The following RFTN1 variants were observed in gnomAD, a reference collection of about 807,000 sequenced individuals.
RFTN1 encodes the protein raftlin, lipid raft linker 1.
A neutral mutation model predicts 46.5 loss-of-function variants in RFTN1; 26 were observed. The observed-to-expected ratio is 0.56, with a 90% CI of 0.41 to 0.78. RFTN1 has a LOEUF of 0.78. RFTN1 is among the 30% of genes least tolerant of loss of function. RFTN1 has a pLI of 0.00. For missense variants in RFTN1, 693 were observed against 718.7 expected, an observed-to-expected ratio of 0.96 and a Z score of 0.41; for synonymous variants, 261 against 284.2, an observed-to-expected ratio of 0.92 and a Z score of 0.82.
intron 4 of RFTN1, among the ~76,000 whole-genome samples, chr3:16,406,417 C>T (rs4685332): frequency 0.17 from 26,436 of 152,128 alleles, 2,752 homozygotes; most frequent in Admixed American, 0.25. Flanking sequence ...GCAACCTCAA[C>T]ACACCTGGCT....
chr3:16,410,067 A>G lies in RFTN1; in HGVS notation c.333-584T>C, dbSNP rs2125448811. Reference sequence around the variant, plus strand: ...AGATTCTTTCCCGAAAGTAACGTCAAAAAGGCACTGATGAAAAATGGTTTA... The same window carrying G: ...AGATTCTTTCCCGAAAGTAACGTCAGAAAGGCACTGATGAAAAATGGTTTA... On this transcript the variant is annotated intron_variant, in intron 3 of 9. Transcript: ENST00000334133. This position sits in a 1 kb window ranked among gnomAD's most constrained non-coding sequence, Gnocchi z 4.6. 6.6e-6 allele frequency among the ~76,000 whole-genome samples: 1 copy of G among 152,164 alleles called. No individual in the cohort carries two copies. Among genetic ancestry groups the G allele is most frequent in the Non-Finnish European group, 1.5e-5 (1 of 68,002 alleles).
chr3:16,412,328 C>G (rs1031734655), intron 3 of RFTN1, among the ~76,000 whole-genome samples: 1 of 152,200 alleles, frequency 6.6e-6, no homozygotes, highest in Non-Finnish European at 1.5e-5. Flanking sequence ...CCCTAAACCC[C>G]TTGAGGACAG....
rs2075775014 is a variant in RFTN1, at chr3:16,448,694, T to C, written c.146-14657A>G. On this transcript the variant is annotated intron_variant, in intron 2 of 9. Transcript: ENST00000334133. The surrounding 1 kb of genome is among the most constrained non-coding windows in gnomAD (Gnocchi z 4.1). Reference sequence around the variant, plus strand: ...AGAATCTCTAGTAACACAATCACACTGCTTCTAAAATGTTTACCTCTCAGG... The same window carrying C: ...AGAATCTCTAGTAACACAATCACACCGCTTCTAAAATGTTTACCTCTCAGG... Among the ~76,000 whole-genome samples the C allele has an allele frequency of 6.6e-6, 1 of 152,232 alleles. No individual in the cohort carries two copies. The highest frequency in any genetic ancestry group is 1.5e-5 in the Non-Finnish European group (1 of 68,036).
chr3:16,325,727 C>T (rs990934067), intron 8 of RFTN1, among the ~76,000 whole-genome samples: 12 of 152,182 alleles, frequency 7.9e-5, no homozygotes, highest in Non-Finnish European at 1.8e-4. Flanking sequence ...GTGCACTGAC[C>T]CACTGTGACC....
intron 5 of RFTN1, among the ~76,000 whole-genome samples, chr3:16,373,067 C>A (rs759847787): frequency 3.9e-5 from 6 of 152,228 alleles, no homozygotes; most frequent in Non-Finnish European, 2.9e-5. Flanking sequence ...CACATCCTCA[C>A]GTGAGCAAGC....
In RFTN1 at chr3:16,458,087, A is replaced by G. The variant is rs2075943400; in HGVS notation, c.146-24050T>C. Reference sequence around the variant, plus strand: ...GATCTTGGACTTCCCAGCCTCCAGAACTGTGAGCAAAAAAAAATCTTTGTT... The same window carrying G: ...GATCTTGGACTTCCCAGCCTCCAGAGCTGTGAGCAAAAAAAAATCTTTGTT... On this transcript the variant is annotated intron_variant, in intron 2 of 9. Transcript: ENST00000334133. The surrounding 1 kb of genome is among the most constrained non-coding windows in gnomAD (Gnocchi z 5.1). Among the ~76,000 whole-genome samples, 1 of 152,126 alleles carries G rather than the reference A, an allele frequency of 6.6e-6. No individual in the cohort carries two copies. Among genetic ancestry groups the G allele is most frequent in the African/African-American group, 2.4e-5 (1 of 41,406 alleles).
chr3:16,484,802 C>G lies in RFTN1; in HGVS notation c.145+8923G>C, dbSNP rs746184849. On this transcript the variant is annotated intron_variant, in intron 2 of 9. Coordinates refer to ENST00000334133, the MANE Select transcript of RFTN1 (RefSeq NM_015150.2). This position sits in a 1 kb window ranked among gnomAD's most constrained non-coding sequence, Gnocchi z 4.6. ...AACTACAAGATATCCTGCAAAGCTC[C>G]AAGTGCTTGGTGGCCTAGCAAGTTT... 3 of 152,206 alleles carry G rather than the reference C, an allele frequency of 2.0e-5. No homozygotes were observed. The allele number at this position is 152,206 out of a possible 1,614,324, so 9.4% of individuals were successfully genotyped here.
In RFTN1 at chr3:16,386,651, A is replaced by G. The variant is rs75191188; in HGVS notation, c.442-8549T>C. Among the ~76,000 whole-genome samples the G allele has an allele frequency of 7.6e-3, 1,153 of 152,314 alleles. 5 individuals carry two copies. The highest frequency in any genetic ancestry group is 0.012 in the Non-Finnish European group (835 of 68,026). ...TGCATCTTTAGAGTCTGGACTTTTT[A>G]TTCTGAAGGCAATGAGATGCCATCA... On this transcript the variant is annotated intron_variant, in intron 4 of 9. Coordinates refer to ENST00000334133, the MANE Select transcript of RFTN1 (RefSeq NM_015150.2).
In RFTN1 at chr3:16,387,512, T is replaced by C. The variant is rs1384347971; in HGVS notation, c.442-9410A>G. Among the ~76,000 whole-genome samples, 1 of 150,892 alleles carries C rather than the reference T, an allele frequency of 6.6e-6. No individual in the cohort carries two copies. Among genetic ancestry groups the C allele is most frequent in the Non-Finnish European group, 1.5e-5 (1 of 67,940 alleles). ...CCCAGGCCATAGAGCTCATGTTTTC[T>C]GGCACCCTGGAAGACCCAGCTCTAC... On this transcript the variant is annotated intron_variant, in intron 4 of 9. Transcript: ENST00000334133. This position sits in a 1 kb window ranked among gnomAD's most constrained non-coding sequence, Gnocchi z 5.2.
In RFTN1 at chr3:16,507,706, TACACATAC is replaced by T. The variant is rs988846010; in HGVS notation, c.-9+5728_-9+5735del. ...AAACACACACATACACACACATACATACACATACACACATACACACAAACACATACACA... is the reference window on the plus strand; with the variant it reads ...AAACACACACATACACACACATACATACACATACACACAAACACATACACA... On this transcript the variant is annotated intron_variant, in intron 1 of 9. Transcript: ENST00000334133. The surrounding 1 kb of genome is among the most constrained non-coding windows in gnomAD (Gnocchi z 7.1). Among the ~76,000 whole-genome samples, 13 of 146,596 alleles carry T rather than the reference TACACATAC, an allele frequency of 8.9e-5. No homozygotes were observed. The highest frequency in any genetic ancestry group is 4.3e-4 in the South Asian group (2 of 4,634).
At position 16,344,289 on chromosome 3, in the gene RFTN1, C is replaced by T. The variant is rs2071496262; in HGVS notation, c.1146+13643G>A. On this transcript the variant is annotated intron_variant, in intron 7 of 9. Transcript: ENST00000334133. The surrounding 1 kb of genome is among the most constrained non-coding windows in gnomAD (Gnocchi z 4.4). ...AAGGGGTTTAAGAAGTCAGGGAAAC[C>T]TACTCAAAAAAGAAAGTGGATTAGA... Among the ~76,000 whole-genome samples the T allele has an allele frequency of 1.3e-5, 2 of 150,978 alleles. No individual in the cohort carries two copies. The highest frequency in any genetic ancestry group is 4.2e-4 in the South Asian group (2 of 4,782).
rs142591988 is a variant in RFTN1, at chr3:16,389,529, A to T, written c.442-11427T>A. Among the ~76,000 whole-genome samples, 9 of 152,274 alleles carry T rather than the reference A, an allele frequency of 5.9e-5. No individual in the cohort carries two copies. In the East Asian group the frequency reaches 1.5e-3, roughly 26 times the overall value. On this transcript the variant is annotated intron_variant, in intron 4 of 9. Coordinates refer to ENST00000334133, the MANE Select transcript of RFTN1 (RefSeq NM_015150.2). ...GGGAAGGAACAGCTTTGCATTAACA[A>T]CTACTGAGAATTATACATTTAAAGA...
chr3:16,508,840 A>C (rs2125015341), intron 1 of RFTN1, among the ~76,000 whole-genome samples: 1 of 152,314 alleles, frequency 6.6e-6, no homozygotes, highest in East Asian at 1.9e-4. Flanking sequence ...GGGTAAAAAA[A>C]AAACACCACA....
At chr3:16,331,951 TAG>T (rs1324359047) in intron 7 of RFTN1, among the ~76,000 whole-genome samples, 1 of 152,246 alleles carries the variant, frequency 6.6e-6, no homozygotes, top group Non-Finnish European at 1.5e-5. Flanking sequence ...TAGTAGTTTC[TAG>T]ATGTCAGCAA....
rs1403789268 is a variant in RFTN1, at chr3:16,387,425, A to T, written c.442-9323T>A. Among the ~76,000 whole-genome samples the T allele has an allele frequency of 2.0e-5, 3 of 151,876 alleles. No homozygotes were observed. Among genetic ancestry groups the T allele is most frequent in the Non-Finnish European group, 4.4e-5 (3 of 67,984 alleles). On this transcript the variant is annotated intron_variant, in intron 4 of 9. Transcript: ENST00000334133. The surrounding 1 kb of genome is among the most constrained non-coding windows in gnomAD (Gnocchi z 5.2). The stretch of plus-strand genomic sequence containing the variant: ...GTCAGAAGCTGAGAAGCCCATCCCC[A>T]TGTCCTCTTCTGGCCCTCCACTCTT...
At chr3:16,368,906 A>C (rs1365274100) in intron 6 of RFTN1, among the ~76,000 whole-genome samples, 2 of 152,202 alleles carry the variant, frequency 1.3e-5, no homozygotes, top group Admixed American at 6.5e-5. Flanking sequence ...CTCCATCATC[A>C]TGGGCACTTC....
rs932341586 is a variant in RFTN1 at position 16,473,421 on chromosome 3, GAT to G, written c.145+20302_145+20303del. Among the ~76,000 whole-genome samples the G allele has an allele frequency of 6.7e-6, 1 of 149,304 alleles. No individual in the cohort carries two copies. The highest frequency in any genetic ancestry group is 1.5e-5 in the Non-Finnish European group (1 of 67,608). On this transcript the variant is annotated intron_variant, in intron 2 of 9. Coordinates refer to ENST00000334133, the MANE Select transcript of RFTN1 (RefSeq NM_015150.2). The surrounding 1 kb of genome is among the most constrained non-coding windows in gnomAD (Gnocchi z 5.3). Reference sequence around the variant, plus strand: ...TTTTTTCTTTTTTTTTTTTTCCTGAGATAGAGTCTGGCTCTGTCGCCAAGGCT... The same window carrying G: ...TTTTTTCTTTTTTTTTTTTTCCTGAGAGAGTCTGGCTCTGTCGCCAAGGCT...
At chr3:16,369,903 C>A (rs1032272804) in intron 6 of RFTN1, among the ~76,000 whole-genome samples, 173 bp downstream of exon 6, 1 of 152,138 alleles carries the variant, frequency 6.6e-6, no homozygotes, top group East Asian at 1.9e-4. Context: ...AGAGCACAGG[C>A]CCTGGGCTTT....
Position 16,335,537 on chromosome 3 carries a change from C to A in RFTN1, c.1147-8661G>T, listed in dbSNP as rs2070758965. The stretch of plus-strand genomic sequence containing the variant: ...CAGAAAATCAAACACCACATGTTCT[C>A]ACTTACAAGTGGGAGAGCTGAACGG... On this transcript the variant is annotated intron_variant, in intron 7 of 9. Coordinates refer to ENST00000334133, the MANE Select transcript of RFTN1 (RefSeq NM_015150.2). This position sits in a 1 kb window ranked among gnomAD's most constrained non-coding sequence, Gnocchi z 4.7. 1.3e-5 allele frequency among the ~76,000 whole-genome samples: 2 copies of A among 152,208 alleles called. No homozygotes were observed. Among genetic ancestry groups the A allele is most frequent in the Non-Finnish European group, 2.9e-5 (2 of 68,038 alleles).
Sources: gnomAD v4.1 joint callset for allele counts (sites outside exome capture counted in the v4.1 genomes callset) on GRCh38, gnomAD v4.1.1 for gene constraint, Gnocchi (gnomAD v3.1) non-coding constraint, MANE v1.5 for transcripts, NCBI Gene and HGNC (gene_info 2026-07-23, HGNC 2026-07-21) for gene names.